SSH2: variants seen among roughly 807,000 people sequenced by gnomAD.
SSH2 encodes the protein protein phosphatase Slingshot homolog 2.
Under a neutral mutation model 135.2 loss-of-function variants are expected in SSH2, and 37 were observed. The observed-to-expected ratio is 0.27, with a 90% CI of 0.21 to 0.36. The LOEUF is 0.36. SSH2 is among the 10% of genes least tolerant of loss of function. The pLI is 1.00. For missense variants in SSH2, 1,408 were observed against 1,765.3 expected (o/e 0.80, Z 3.63); for synonymous variants, 628 against 646.2 (o/e 0.97, Z 0.43).
intron 2 of SSH2, among the ~76,000 whole-genome samples, chr17:29,847,810 T>G (rs1185211074): frequency 6.6e-6 from 1 of 152,168 alleles, no homozygotes; most frequent in Admixed American, 6.5e-5. Flanking sequence ...CATGACAGTT[T>G]ACAAATGCCA....
At chr17:29,885,142 T>G (rs568660982) in intron 1 of SSH2, among the ~76,000 whole-genome samples, 4 of 152,098 alleles carry the variant, frequency 2.6e-5, no homozygotes, top group Non-Finnish European at 5.9e-5. Flanking sequence ...GCACCTCCCT[T>G]TTTCTCCCAT....
At chr17:29,729,561 A>G (rs1345199060) in intron 3 of SSH2, among the ~76,000 whole-genome samples, 1 of 152,224 alleles carries the variant, frequency 6.6e-6, no homozygotes, top group Admixed American at 6.5e-5. Context: ...AAAGGAAATC[A>G]GTATAAAAAG....
intron 3 of SSH2, among the ~76,000 whole-genome samples, chr17:29,785,361 A>G (rs2151294394): frequency 1.3e-5 from 2 of 152,196 alleles, no homozygotes; most frequent in East Asian, 3.9e-4. Context: ...ACCTTAAAAA[A>G]GGTGTCCTGA....
At chr17:29,738,258 C>T (rs1286228352) in intron 3 of SSH2, among the ~76,000 whole-genome samples, 1 of 95,986 alleles carries the variant, frequency 1.0e-5, no homozygotes, top group East Asian at 2.1e-4. Flanking sequence ...GACATGAACT[C>T]ATTCTTTTTT....
chr17:29,841,892 A>ATTTTTTTTTTTTTTTTTT (rs770836134), intron 2 of SSH2, among the ~76,000 whole-genome samples: 23 of 99,644 alleles, frequency 2.3e-4, no homozygotes, highest in African/African-American at 8.2e-4. Context: ...CCCTTGGCTA[A>ATTTTTTTTTTTTTTTTTT]TTTTTTTTTT....
chr17:29,802,302 G>A (rs1432326693), intron 2 of SSH2, among the ~76,000 whole-genome samples: 2 of 152,172 alleles, frequency 1.3e-5, no homozygotes, highest in Non-Finnish European at 1.5e-5. Context: ...AGTTAGTATT[G>A]TAGTGGGGGA....
At chr17:29,924,100 G>A (rs1437305085) in intron 1 of SSH2, among the ~76,000 whole-genome samples, 1 of 151,984 alleles carries the variant, frequency 6.6e-6, no homozygotes, top group Non-Finnish European at 1.5e-5. Flanking sequence ...TGTATTTCTG[G>A]ATTTCCTACA....
intron 1 of SSH2, among the ~76,000 whole-genome samples, chr17:29,886,363 G>T (rs969864996): frequency 6.6e-6 from 1 of 152,150 alleles, no homozygotes; most frequent in Admixed American, 6.6e-5. Context: ...ATAGAGTTCT[G>T]TGGAACTTTG....
At chr17:29,696,165 GTATATA>G (rs752379702) in intron 4 of SSH2, among the ~76,000 whole-genome samples, 17 of 127,122 alleles carry the variant, frequency 1.3e-4, no homozygotes, top group African/African-American at 4.9e-4. Context: ...ATGAGAGTAT[GTATATA>G]TATACACACA....
Position 29,626,073 on chromosome 17 carries a change from A to T in SSH2, c.*4768T>A, listed in dbSNP as rs933361006. ...TCTATGATACAAGTGGAACATCCCA[A>T]CCACCAGGAAGATTAAGGAAGGAGA... On this transcript the variant is annotated 3_prime_UTR_variant, in exon 16 of 16. Transcript: ENST00000540801. The T allele has an allele frequency of 6.6e-6, 1 of 152,650 alleles. No individual in the cohort carries two copies. The highest frequency in any genetic ancestry group is 1.5e-5 in the Non-Finnish European group (1 of 68,052). The allele number at this position is 152,650 out of a possible 1,614,324, so 9.5% of individuals were successfully genotyped here. A position where few individuals can be genotyped will look rare whatever the true frequency, so the allele number is the denominator to read the frequency against.
chr17:29,779,630 C>G (rs768994466), intron 3 of SSH2, among the ~76,000 whole-genome samples: 1 of 148,654 alleles, frequency 6.7e-6, no homozygotes, highest in Non-Finnish European at 1.5e-5. Flanking sequence ...CTGGCCAATC[C>G]TGACAGATGA....
At chr17:29,648,554 A>T (rs1294003258) in intron 13 of SSH2, among the ~76,000 whole-genome samples, 1 of 152,244 alleles carries the variant, frequency 6.6e-6, no homozygotes, top group Non-Finnish European at 1.5e-5. Flanking sequence ...TTCAATGTTA[A>T]TATTATGCTT....
At chr17:29,814,210 C>T (rs1333551619) in intron 2 of SSH2, among the ~76,000 whole-genome samples, 12 of 144,216 alleles carry the variant, frequency 8.3e-5, no homozygotes, top group East Asian at 4.1e-4. Flanking sequence ...CCGAGGTGGG[C>T]GGATCACCAG....
At chr17:29,815,517 T>C (rs2042542848) in intron 2 of SSH2, among the ~76,000 whole-genome samples, 1 of 152,218 alleles carries the variant, frequency 6.6e-6, no homozygotes, top group African/African-American at 2.4e-5. Context: ...TGCCTCGGCC[T>C]CCCGAAGTGC....
chr17:29,913,349 TATATA>T lies in SSH2; in HGVS notation c.63+16584_63+16588del, dbSNP rs1158970894. On this transcript the variant is annotated intron_variant, in intron 1 of 15. Coordinates refer to ENST00000540801, the MANE Select transcript of SSH2 (RefSeq NM_001282129.2). Reference sequence around the variant, plus strand: ...AAAAAAAAAAAAAAAAAAAAAAAAATATATATATATATATATATATATATATATAT... The same window carrying T: ...AAAAAAAAAAAAAAAAAAAAAAAAATTATATATATATATATATATATATAT... Among the ~76,000 whole-genome samples the T allele has an allele frequency of 3.0e-4, 5 of 16,606 alleles. 1 individual carries two copies. The South Asian group carries it at 0.011, about 38-fold the overall frequency. 10.9% of individuals were successfully genotyped at this position (16,606 alleles called of 152,430 possible).
intron 3 of SSH2, among the ~76,000 whole-genome samples, chr17:29,748,402 T>C (rs1347565592): frequency 6.6e-6 from 1 of 152,164 alleles, no homozygotes; most frequent in Non-Finnish European, 1.5e-5. Flanking sequence ...AATACTAAAT[T>C]TTAAGGCTAT....
intron 9 of SSH2, among the ~76,000 whole-genome samples, chr17:29,669,368 T>G (rs565574232): frequency 1.1e-4 from 17 of 152,246 alleles, no homozygotes; most frequent in Non-Finnish European, 1.9e-4. Flanking sequence ...CATATATGTA[T>G]ATTCCCTTCT....
intron 3 of SSH2, among the ~76,000 whole-genome samples, chr17:29,761,881 A>ATTTT (rs1174531285): frequency 9.2e-5 from 12 of 130,572 alleles, no homozygotes; most frequent in African/African-American, 3.6e-4. Context: ...GTATATATAT[A>ATTTT]TATATATTTT....
At chr17:29,814,432 CAAAAA>C (rs1179862061) in intron 2 of SSH2, among the ~76,000 whole-genome samples, 5 of 39,088 alleles carry the variant, frequency 1.3e-4, no homozygotes, top group East Asian at 7.8e-4. Flanking sequence ...GACTCTGTCT[CAAAAA>C]AAAAAAAAAA....
Sources: gnomAD v4.1 joint callset for allele counts (sites outside exome capture counted in the v4.1 genomes callset) on GRCh38, gnomAD v4.1.1 for gene constraint, MANE v1.5 for transcripts, NCBI Gene and HGNC (gene_info 2026-07-23, HGNC 2026-07-21) for gene names.